The following NFIB variants were observed in gnomAD, a reference collection of about 807,000 sequenced individuals.
The protein encoded by NFIB is nuclear factor I B.
NFIB carries 11 observed loss-of-function variants against 61.5 expected under a neutral mutation model. The observed-to-expected ratio is 0.18, with a 90% CI of 0.11 to 0.30. The LOEUF is 0.30. Ranked by LOEUF, NFIB falls within the 10% of genes least tolerant of loss-of-function variation. NFIB has a pLI of 1.00. For synonymous variants in NFIB, 260 were observed against 216.5 expected (o/e 1.20, Z -1.76); for missense variants, 471 against 608.9 (o/e 0.77, Z 2.38).
chr9:14,083,994 G>A lies in NFIB; in HGVS notation c.*4315C>T. ...CAGTGGTGCTTCGACATTCTGAAAT[G>A]CTCTGGAAACCAACTTTTCCAATAC... On this transcript the variant is annotated 3_prime_UTR_variant, in exon 11 of 11. Coordinates refer to ENST00000380953, the MANE Select transcript of NFIB (RefSeq NM_001190737.2). 1 of 218,176 alleles carries A rather than the reference G, an allele frequency of 4.6e-6. No individual in the cohort carries two copies. The highest frequency in any genetic ancestry group is 9.2e-6 in the Non-Finnish European group (1 of 108,358). 13.5% of individuals were successfully genotyped at this position (218,176 alleles called of 1,614,324 possible).
intron 1 of NFIB, among the ~76,000 whole-genome samples, chr9:14,376,257 G>C (rs142538092): frequency 5.8e-4 from 89 of 152,256 alleles, no homozygotes; most frequent in African/African-American, 2.1e-3. Context: ...CATAACTAAA[G>C]AGCAGAAAAT....
chr9:14,106,267 T>A (rs531190970), intron 10 of NFIB, among the ~76,000 whole-genome samples: 1 of 152,176 alleles, frequency 6.6e-6, no homozygotes, highest in African/African-American at 2.4e-5. Context: ...ACTGATCATA[T>A]GCATATCCTT....
At chr9:14,349,419 G>A (rs1432965489) in intron 1 of NFIB, among the ~76,000 whole-genome samples, 1 of 152,128 alleles carries the variant, frequency 6.6e-6, no homozygotes. Context: ...GGTTCAACCG[G>A]GAAATTTTCC....
chr9:14,322,083 A>G (rs1488990106), intron 1 of NFIB: 2 of 30,998 alleles, frequency 6.5e-5, no homozygotes, highest in South Asian at 2.1e-3. Flanking sequence ...AGTTAAAAAA[A>G]AAAAAAAAAA....
At chr9:14,388,311 G>T (rs922153186) in intron 1 of NFIB, among the ~76,000 whole-genome samples, 1 of 142,746 alleles carries the variant, frequency 7.0e-6, no homozygotes, top group African/African-American at 2.6e-5. Context: ...GGAGGTTGAG[G>T]CTGCAGTCAG....
At chr9:14,506,453 T>G in the NFIB span, among the ~76,000 whole-genome samples, 1 of 152,174 alleles carries the variant, frequency 6.6e-6, no homozygotes, top group Non-Finnish European at 1.5e-5. Flanking sequence ...CTGTCCTGTT[T>G]CCTAACTCTT....
chr9:14,463,137 AAAT>A, the NFIB span, among the ~76,000 whole-genome samples: 85 of 89,790 alleles, frequency 9.5e-4, no homozygotes, highest in Admixed American at 2.4e-3. Context: ...TTAAATCATA[AAAT>A]AATTATTTTG....
chr9:14,410,675 T>C, the NFIB span, among the ~76,000 whole-genome samples: 5 of 152,222 alleles, frequency 3.3e-5, no homozygotes, highest in Non-Finnish European at 5.9e-5. Context: ...AGTCTTCTGA[T>C]AGATGCTTTC....
intron 2 of NFIB, among the ~76,000 whole-genome samples, chr9:14,241,311 G>C (rs375337089): frequency 2.0e-5 from 3 of 152,104 alleles, no homozygotes; most frequent in African/African-American, 7.2e-5. Flanking sequence ...GACTATATCA[G>C]TATCAACATC....
rs1251598365 is a variant in NFIB at position 14,124,976 on chromosome 9, A to G, written c.1060+656T>C. On this transcript the variant is annotated intron_variant, in intron 7 of 10. Transcript: ENST00000380953. ...GTCTTAATGCCTTTAGAAACACTCT[A>G]AACTCAGCAACATAACTGAAATTCC... Among the ~76,000 whole-genome samples, 5 of 152,330 alleles carry G rather than the reference A, an allele frequency of 3.3e-5. No individual in the cohort carries two copies. The East Asian group carries it at 5.8e-4, about 18-fold the overall frequency.
intron 2 of NFIB, among the ~76,000 whole-genome samples, chr9:14,247,403 T>C (rs2055057497): frequency 6.6e-6 from 1 of 152,202 alleles, no homozygotes; most frequent in Non-Finnish European, 1.5e-5. Context: ...GCAGTGACCA[T>C]GCCCAGAACA....
chr9:14,395,167 T>C (rs1003392363), intron 1 of NFIB, among the ~76,000 whole-genome samples: 5 of 152,184 alleles, frequency 3.3e-5, no homozygotes, highest in Middle Eastern at 3.4e-3. Context: ...ACCTGGCAGA[T>C]TGACTTTAAG....
At chr9:14,411,617 C>A in the NFIB span, among the ~76,000 whole-genome samples, 2 of 152,154 alleles carry the variant, frequency 1.3e-5, no homozygotes, top group Non-Finnish European at 2.9e-5. Context: ...AGCCACGGAA[C>A]AATACCAGGG....
chr9:14,516,953 T>C, the NFIB span, among the ~76,000 whole-genome samples: 14 of 152,188 alleles, frequency 9.2e-5, no homozygotes, highest in Non-Finnish European at 1.9e-4. Context: ...CAAAACATGA[T>C]AGAGTAGAAA....
chr9:14,513,677 CAA>C, the NFIB span, among the ~76,000 whole-genome samples: 1 of 145,672 alleles, frequency 6.9e-6, no homozygotes, highest in African/African-American at 2.5e-5. Flanking sequence ...AAAAAAGAAA[CAA>C]AATGAAAAGC....
At chr9:14,151,293 CA>C (rs1467961975) in intron 4 of NFIB, among the ~76,000 whole-genome samples, 9 of 152,168 alleles carry the variant, frequency 5.9e-5, no homozygotes, top group African/African-American at 2.2e-4. Flanking sequence ...ATGAACAGTT[CA>C]AAAACGTGTT....
chr9:14,136,850 C>T (rs572852481), intron 6 of NFIB, among the ~76,000 whole-genome samples: 1 of 152,098 alleles, frequency 6.6e-6, no homozygotes. Context: ...GATTACTCTG[C>T]ACAATATTCT....
At chr9:14,459,845 G>A in the NFIB span, among the ~76,000 whole-genome samples, 27 of 150,842 alleles carry the variant, frequency 1.8e-4, no homozygotes, top group African/African-American at 4.8e-4. Flanking sequence ...TTAGAATGGC[G>A]ATCATTAAAA....
At chr9:14,410,659 C>T in the NFIB span, among the ~76,000 whole-genome samples, 2 of 152,160 alleles carry the variant, frequency 1.3e-5, no homozygotes, top group African/African-American at 4.8e-5. Context: ...AGAGAAAGTA[C>T]ACTTGAGTCT....
Sources: allele counts gnomAD v4.1 joint callset (sites outside exome capture counted in the v4.1 genomes callset), GRCh38; gene constraint gnomAD v4.1.1; transcripts MANE v1.5; gene names NCBI Gene and HGNC (gene_info 2026-07-23, HGNC 2026-07-21).